The following MYRF variants were observed in gnomAD, a reference collection of about 807,000 sequenced individuals.
MYRF encodes myelin regulatory factor.
Under a neutral mutation model 126.3 loss-of-function variants are expected in MYRF, and 16 were observed. That is an observed-to-expected ratio of 0.13 (90% CI 0.09 to 0.19). The LOEUF (loss-of-function observed/expected upper bound fraction) is 0.19. Ranked by LOEUF, MYRF falls within the 10% of genes least tolerant of loss-of-function variation. MYRF has a pLI of 1.00. For synonymous variants in MYRF, 608 were observed against 635.3 expected, an observed-to-expected ratio of 0.96 and a Z score of 0.65; for missense variants, 1,104 against 1,547.0, an observed-to-expected ratio of 0.71 and a Z score of 4.80.
chr11:61,782,281 C>G (rs936491531), intron 22 of MYRF: 2 of 154,858 alleles, frequency 1.3e-5, no homozygotes, highest in African/African-American at 4.8e-5. Flanking sequence ...TCTGAGGTAC[C>G]CTGGGGGCTG....
Position 61,757,764 on chromosome 11 carries a change from G to C in MYRF, c.46+4974G>C, listed in dbSNP as rs965836387. ...TTGCACGTTGTCTTCCTGGAGTCCT[G>C]GGGTGCAGTGGAAGCGTGGGTGACG... On this transcript the variant is annotated intron_variant, in intron 1 of 26. Coordinates refer to ENST00000278836, the MANE Select transcript of MYRF (RefSeq NM_001127392.3). This position sits in a 1 kb window ranked among gnomAD's most constrained non-coding sequence, Gnocchi z 4.7. The C allele has an allele frequency of 5.8e-6, 2 of 344,792 alleles. No individual in the cohort carries two copies. The highest frequency in any genetic ancestry group is 1.2e-5 in the Non-Finnish European group (2 of 173,372). 21.4% of individuals were successfully genotyped at this position (344,792 alleles called of 1,614,324 possible).
chr11:61,779,505 G>A lies in MYRF; in HGVS notation c.2182G>A (p.Gly728Arg). The part of the protein sequence containing the change: ...TGSSGAFSHA[G>R]SQFSRAGSVP... ...CTGGCCCTCTTGCTGCAGCCATGCA[G>A]GGAGCCAGTTCAGTCGGGCGGGCAG... The change falls in exon 16 of 27, where the codon GGG becomes AGG. Residue 728 changes from glycine to arginine, a missense_variant. Physicochemically the swap from Gly to Arg is moderately radical, Grantham distance 125. Around this residue, in one of 10 missense-constraint regions of MYRF, gnomAD observed 323 missense variants for 383.1 expected, o/e 0.84. Coordinates refer to ENST00000278836, the MANE Select transcript of MYRF (RefSeq NM_001127392.3). 1 of 1,529,010 alleles carries A rather than the reference G, an allele frequency of 6.5e-7. No individual in the cohort carries two copies. The highest frequency in any genetic ancestry group is 8.8e-7 in the Non-Finnish European group (1 of 1,135,624). 94.7% of individuals were successfully genotyped at this position (1,529,010 alleles called of 1,614,324 possible).
chr11:61,778,292 T>C lies in MYRF; in HGVS notation c.1904-88T>C. On this transcript the variant is annotated intron_variant, in intron 13 of 26. Coordinates refer to ENST00000278836, the MANE Select transcript of MYRF (RefSeq NM_001127392.3). This position sits in a 1 kb window ranked among gnomAD's most constrained non-coding sequence, Gnocchi z 4.6. ...CTCTGGGTTCCAGAACTTCACCCTC[T>C]CCAGTCTTGCTCCCACTGTACATTA... 1.1e-6 allele frequency: 1 copy of C among 897,968 alleles called. No individual in the cohort carries two copies. Among genetic ancestry groups the C allele is most frequent in the Non-Finnish European group, 1.9e-6 (1 of 534,166 alleles). The allele number at this position is 897,968 out of a possible 1,614,324, so 55.6% of individuals were successfully genotyped here. A position where few individuals can be genotyped will look rare whatever the true frequency, so the allele number is the denominator to read the frequency against.
At position 61,783,611 on chromosome 11, in the gene MYRF, C is replaced by G. The variant is rs759699962; in HGVS notation, c.3119+11C>G. 5.0e-6 allele frequency: 8 copies of G among 1,608,376 alleles called. No individual in the cohort carries two copies. The highest frequency in any genetic ancestry group is 6.8e-6 in the Non-Finnish European group (8 of 1,175,744). The stretch of plus-strand genomic sequence containing the variant: ...AGGGGATGCCTGCAGGTGGGCTGGG[C>G]TCCCTCCCCTCACCCAGGGAGGTCC... On this transcript the variant is annotated intron_variant, in intron 23 of 26. Coordinates refer to ENST00000278836, the MANE Select transcript of MYRF (RefSeq NM_001127392.3). This position sits in a 1 kb window ranked among gnomAD's most constrained non-coding sequence, Gnocchi z 4.6.
intron 4 of MYRF, 118 bp downstream of exon 4, chr11:61,769,439 A>G: frequency 2.6e-6 from 2 of 755,124 alleles, no homozygotes; most frequent in Non-Finnish European, 4.5e-6. Context: ...GGCTGAGATT[A>G]TCGCTGGTCA....
chr11:61,776,435 G>T lies in MYRF; in HGVS notation c.1499+3G>T. 6.2e-7 allele frequency: 1 copy of T among 1,610,572 alleles called. No homozygotes were observed. The highest frequency in any genetic ancestry group is 1.1e-5 in the South Asian group (1 of 90,666). ...GGCAAGCCCAACCCGGACCAGAGGTGAGCAGGTGGGGGCCCTGCCCCGGAG... is the reference window on the plus strand; with the variant it reads ...GGCAAGCCCAACCCGGACCAGAGGTTAGCAGGTGGGGGCCCTGCCCCGGAG... On this transcript the variant is annotated splice_donor_region_variant and intron_variant, in intron 10 of 26. Coordinates refer to ENST00000278836, the MANE Select transcript of MYRF (RefSeq NM_001127392.3). This position sits in a 1 kb window ranked among gnomAD's most constrained non-coding sequence, Gnocchi z 4.3.
intron 1 of MYRF, among the ~76,000 whole-genome samples, chr11:61,762,979 C>T (rs951337236): frequency 1.3e-5 from 2 of 152,110 alleles, no homozygotes; most frequent in Admixed American, 6.5e-5. Flanking sequence ...CCCCCTATCC[C>T]GAGGGAGGTG....
intron 22 of MYRF, chr11:61,782,576 TCA>T (rs1176870353): frequency 1.3e-5 from 2 of 152,312 alleles, no homozygotes; most frequent in Non-Finnish European, 2.9e-5. Flanking sequence ...CCCAAAGACC[TCA>T]CAGAGATGAA....
At chr11:61,764,269 G>A (rs2065987934) in intron 1 of MYRF, among the ~76,000 whole-genome samples, 2 of 152,170 alleles carry the variant, frequency 1.3e-5, no homozygotes, top group African/African-American at 4.8e-5. Flanking sequence ...TGGGCGGGGG[G>A]CTCCCGGGGA....
chr11:61,787,367 G>A lies in MYRF; in HGVS notation c.*1224G>A, dbSNP rs944704434. 2.6e-5 allele frequency: 4 copies of A among 152,284 alleles called. No homozygotes were observed. The highest frequency in any genetic ancestry group is 6.5e-5 in the Admixed American group (1 of 15,276). The allele number at this position is 152,284 out of a possible 1,614,324, so 9.4% of individuals were successfully genotyped here. On this transcript the variant is annotated 3_prime_UTR_variant, in exon 27 of 27. Coordinates refer to ENST00000278836, the MANE Select transcript of MYRF (RefSeq NM_001127392.3). Reference sequence around the variant, plus strand: ...TTCTTAGTGGTGCCTGGTGCATTCCGAGGCTACATCCAGGCTCATGGAAGG... The same window carrying A: ...TTCTTAGTGGTGCCTGGTGCATTCCAAGGCTACATCCAGGCTCATGGAAGG...
Position 61,773,984 on chromosome 11 carries a change from G to T in MYRF, c.1133G>T (p.Arg378Leu), listed in dbSNP as rs142363357. 1.8e-5 allele frequency: 25 copies of T among 1,374,102 alleles called. No homozygotes were observed. The highest frequency in any genetic ancestry group is 2.2e-5 in the Non-Finnish European group (22 of 1,002,936). 85.1% of individuals were successfully genotyped at this position (1,374,102 alleles called of 1,614,324 possible). A position where few individuals can be genotyped will look rare whatever the true frequency, so the allele number is the denominator to read the frequency against. Residue 378 changes from arginine (R) to leucine (L), a missense_variant, in exon 8 of 27, where the codon CGC becomes CTC. By Grantham distance (102) the Arg-to-Leu change is moderately radical. This residue lies in a region of MYRF where 87 missense variants were observed against 129.2 expected (regional missense o/e 0.67). Coordinates refer to ENST00000278836, the MANE Select transcript of MYRF (RefSeq NM_001127392.3). ...CCCCCCAGGCCCATGCTCACCTACC[G>T]CGTGGATGCGGACAAGGGCTTCAAC... ...NYKELPMLTYRVDADKGFNFS... is the reference protein window; with the variant it reads ...NYKELPMLTYLVDADKGFNFS...
chr11:61,763,847 C>T (rs904744999), intron 1 of MYRF, among the ~76,000 whole-genome samples: 5 of 151,664 alleles, frequency 3.3e-5, no homozygotes, highest in African/African-American at 9.7e-5. Context: ...CCTGGGAGAC[C>T]GAGCAAGACT....
rs767912592 is a variant in MYRF, at chr11:61,777,470, G to A, written c.1791+6G>A. 6 of 1,599,238 alleles carry A rather than the reference G, an allele frequency of 3.8e-6. No individual in the cohort carries two copies. Among genetic ancestry groups the A allele is most frequent in the Middle Eastern group, 1.7e-4 (1 of 6,016 alleles). Reference sequence around the variant, plus strand: ...CCAAGGAACACGTGCAGGAGGTGGGGACAGGGCTGTGGGGGCCGGGCGGGT... The same window carrying A: ...CCAAGGAACACGTGCAGGAGGTGGGAACAGGGCTGTGGGGGCCGGGCGGGT... On this transcript the variant is annotated splice_donor_region_variant and intron_variant, in intron 12 of 26. Transcript: ENST00000278836. This position sits in a 1 kb window ranked among gnomAD's most constrained non-coding sequence, Gnocchi z 8.8.
chr11:61,755,603 G>C lies in MYRF; in HGVS notation c.46+2813G>C, dbSNP rs560374226. The C allele has an allele frequency of 7.9e-6, 7 of 881,310 alleles. No individual in the cohort carries two copies. In the East Asian group the frequency reaches 1.6e-4, roughly 20 times the overall value. 54.6% of individuals were successfully genotyped at this position (881,310 alleles called of 1,614,324 possible). A position where few individuals can be genotyped will look rare whatever the true frequency, so the allele number is the denominator to read the frequency against. On this transcript the variant is annotated intron_variant, in intron 1 of 26. Transcript: ENST00000278836. ...GTGCCTGGCAGGGAACCCCCAAAGA[G>C]CTCTTGCCCTCTTTAAGTCCTTTTT...
chr11:61,755,255 G>C (rs1167323178), intron 1 of MYRF: 4 of 966,730 alleles, frequency 4.1e-6, no homozygotes, highest in Non-Finnish European at 6.2e-6. Context: ...CCGGTGGTGG[G>C]CTGGGGGCTA....
chr11:61,756,277 C>G (rs1483198094), intron 1 of MYRF, among the ~76,000 whole-genome samples: 1 of 152,102 alleles, frequency 6.6e-6, no homozygotes, highest in African/African-American at 2.4e-5. Context: ...TAGCCCCCAG[C>G]TCCCTACTCT....
chr11:61,773,823 C>T (rs1455899755), intron 7 of MYRF, 144 bp from the exon 8 acceptor site: 4 of 659,400 alleles, frequency 6.1e-6, no homozygotes, highest in Non-Finnish European at 1.0e-5. Context: ...TTCCATTTCT[C>T]AGGAGTGGGG....
At chr11:61,754,454 AAG>A (rs2135661683) in intron 1 of MYRF, 1 of 152,478 alleles carries the variant, frequency 6.6e-6, no homozygotes, top group Non-Finnish European at 1.5e-5. Flanking sequence ...ACCTTCAGGG[AAG>A]AGGGGACCAG....
Position 61,778,888 on chromosome 11 carries a change from AG to A in MYRF, c.2014-373del, listed in dbSNP as rs1390317676. On this transcript the variant is annotated intron_variant, in intron 14 of 26. Transcript: ENST00000278836. The surrounding 1 kb of genome is among the most constrained non-coding windows in gnomAD (Gnocchi z 4.6). ...TCTGGGCGCCAAGGAGGCATGTAAT[AG>A]GTCTCCACCCCAGCTGAATAGTGAA... The A allele has an allele frequency of 1.8e-6, 1 of 556,526 alleles. No homozygotes were observed. The highest frequency in any genetic ancestry group is 3.4e-6 in the Non-Finnish European group (1 of 292,036). 34.5% of individuals were successfully genotyped at this position (556,526 alleles called of 1,614,324 possible).
Sources: allele counts gnomAD v4.1 joint callset (sites outside exome capture counted in the v4.1 genomes callset), GRCh38; gene constraint gnomAD v4.1.1; regional missense constraint gnomAD v4.1.1; non-coding constraint Gnocchi (gnomAD v3.1); transcripts MANE v1.5; gene names NCBI Gene and HGNC (gene_info 2026-07-23, HGNC 2026-07-21).